The following PPP3CC variants were observed in gnomAD, a reference collection of about 807,000 sequenced individuals.
The protein encoded by PPP3CC is serine/threonine-protein phosphatase 2B catalytic subunit gamma isoform.
Under a neutral mutation model 60.3 loss-of-function variants are expected in PPP3CC, and 35 were observed. The ratio of observed to expected loss-of-function variants is 0.58; its 90% CI spans 0.44 to 0.77. The LOEUF (loss-of-function observed/expected upper bound fraction) is 0.77. Ranked by LOEUF, PPP3CC falls within the 30% of genes least tolerant of loss-of-function variation. The pLI, the probability that PPP3CC is intolerant of heterozygous loss-of-function variation, is 0.00. For missense variants in PPP3CC, 570 were observed against 628.9 expected, an observed-to-expected ratio of 0.91 and a Z score of 1.00; for synonymous variants, 206 against 224.3, an observed-to-expected ratio of 0.92 and a Z score of 0.73.
chr8:22,471,277 A>C (rs1248934810), intron 1 of PPP3CC, among the ~76,000 whole-genome samples: 1 of 141,388 alleles, frequency 7.1e-6, no homozygotes, highest in Non-Finnish European at 1.5e-5. Flanking sequence ...CTCCTTGATC[A>C]TTCTTTTTTT....
At chr8:22,467,656 C>A (rs971332561) in intron 1 of PPP3CC, among the ~76,000 whole-genome samples, 1 of 152,058 alleles carries the variant, frequency 6.6e-6, no homozygotes, top group Non-Finnish European at 1.5e-5. Flanking sequence ...GTTTTGAACT[C>A]GACCTTATGA....
In PPP3CC at chr8:22,485,067, C is replaced by T. The variant is rs994587525; in HGVS notation, c.372+9443C>T. 2.0e-5 allele frequency among the ~76,000 whole-genome samples: 3 copies of T among 152,208 alleles called. No individual in the cohort carries two copies. In the South Asian group the frequency reaches 6.2e-4, roughly 32 times the overall value. ...AACTGTGGTCTTTTAGTTTAAGGAA[C>T]AACAGACTGTTTGAATGATCCTTAC... On this transcript the variant is annotated intron_variant, in intron 3 of 13. Coordinates refer to ENST00000240139, the MANE Select transcript of PPP3CC (RefSeq NM_005605.5).
At chr8:22,522,804 G>T in intron 8 of PPP3CC, 55 bp downstream of exon 8, 1 of 1,279,690 alleles carries the variant, frequency 7.8e-7, no homozygotes. Flanking sequence ...GTGAGCTCTG[G>T]TTTAATTGTA....
Position 22,475,156 on chromosome 8 carries a change from A to T in PPP3CC, c.247+5A>T, listed in dbSNP as rs1563709160. On this transcript the variant is annotated splice_donor_5th_base_variant and intron_variant, in intron 2 of 13. Transcript: ENST00000240139. ...AAGTAGATGCTCCAATCACAGGTATAAAAAGTCTTTGCATGATACTTTTTT... is the reference window on the plus strand; with the variant it reads ...AAGTAGATGCTCCAATCACAGGTATTAAAAGTCTTTGCATGATACTTTTTT... The T allele has an allele frequency of 1.9e-6, 3 of 1,606,270 alleles. No individual in the cohort carries two copies. Among genetic ancestry groups the T allele is most frequent in the Middle Eastern group, 1.7e-4 (1 of 6,044 alleles).
In PPP3CC at chr8:22,493,086, G is replaced by A; in HGVS notation, c.373-4915G>A. The A allele has an allele frequency of 1.9e-6, 3 of 1,555,344 alleles. No individual in the cohort carries two copies. The South Asian group carries it at 3.3e-5, about 17-fold the overall frequency. ...TGAGGCTTCCAAGATGGAGAATTTTGATGAGGCTTCCAAGAATGAGGCAAA... is the reference window on the plus strand; with the variant it reads ...TGAGGCTTCCAAGATGGAGAATTTTAATGAGGCTTCCAAGAATGAGGCAAA... On this transcript the variant is annotated intron_variant, in intron 3 of 13. Transcript: ENST00000240139.
intron 10 of PPP3CC, among the ~76,000 whole-genome samples, chr8:22,531,694 G>C (rs574687022): frequency 1.3e-5 from 2 of 152,200 alleles, no homozygotes; most frequent in African/African-American, 4.8e-5. Context: ...AAGTAGTATC[G>C]TGAGGCAATA....
intron 1 of PPP3CC, among the ~76,000 whole-genome samples, chr8:22,452,038 G>GTTTTTTT: frequency 6.7e-6 from 1 of 148,486 alleles, no homozygotes; most frequent in African/African-American, 2.5e-5. Context: ...TTTTTTAACA[G>GTTTTTTT]TTTTAGAGAT....
rs548033277 is a variant in PPP3CC at position 22,465,435 on chromosome 8, AAAAAT to A, written c.50-9511_50-9507del. Among the ~76,000 whole-genome samples the A allele has an allele frequency of 1.2e-3, 181 of 152,340 alleles. 2 individuals carry two copies. The South Asian group carries it at 0.018, about 15-fold the overall frequency. ...CATATACCCCTTGAATCTGAAATTT[AAAAAT>A]AAAATAAGTATGTATTAGAAAATTT... On this transcript the variant is annotated intron_variant, in intron 1 of 13. Transcript: ENST00000240139.
chr8:22,456,455 T>G (rs912366799), intron 1 of PPP3CC, among the ~76,000 whole-genome samples: 1 of 152,122 alleles, frequency 6.6e-6, no homozygotes, highest in African/African-American at 2.4e-5. Flanking sequence ...AGGTTGTAAA[T>G]AAAGAAATGT....
intron 12 of PPP3CC, among the ~76,000 whole-genome samples, chr8:22,535,812 A>G (rs1480959429): frequency 1.3e-5 from 2 of 152,190 alleles, no homozygotes; most frequent in African/African-American, 4.8e-5. Flanking sequence ...CCTCACTGCA[A>G]TCTCCGCCTC....
intron 3 of PPP3CC, among the ~76,000 whole-genome samples, chr8:22,479,187 T>C (rs1191007436): frequency 6.6e-6 from 1 of 152,262 alleles, no homozygotes; most frequent in East Asian, 1.9e-4. Flanking sequence ...GTTTAATAGA[T>C]GAAAATAAGG....
chr8:22,485,532 G>T (rs1033228917), intron 3 of PPP3CC, among the ~76,000 whole-genome samples: 1 of 152,128 alleles, frequency 6.6e-6, no homozygotes, highest in Non-Finnish European at 1.5e-5. Flanking sequence ...CTCACTAAGG[G>T]AAAAAGAGGC....
At chr8:22,451,743 A>G (rs761783459) in intron 1 of PPP3CC, among the ~76,000 whole-genome samples, 3 of 152,220 alleles carry the variant, frequency 2.0e-5, no homozygotes, top group Non-Finnish European at 4.4e-5. Flanking sequence ...TTTGCTTTCT[A>G]ATTCAGTGTA....
intron 1 of PPP3CC, among the ~76,000 whole-genome samples, chr8:22,451,570 A>C (rs957319267): frequency 3.3e-5 from 5 of 152,230 alleles, no homozygotes; most frequent in Admixed American, 6.5e-5. Flanking sequence ...GATGGGTTGT[A>C]ATCAAAACCT....
intron 6 of PPP3CC, among the ~76,000 whole-genome samples, chr8:22,521,648 C>T (rs925633419): frequency 5.3e-5 from 8 of 152,058 alleles, no homozygotes; most frequent in African/African-American, 1.7e-4. Context: ...TCACCTACAA[C>T]CTACTTTAAA....
At chr8:22,530,980 C>T (rs1048678638) in intron 10 of PPP3CC, among the ~76,000 whole-genome samples, 1 of 151,928 alleles carries the variant, frequency 6.6e-6, no homozygotes, top group African/African-American at 2.4e-5. Flanking sequence ...TTTTTGGCAT[C>T]ATTTATTCTG....
rs1267321599 is a variant in PPP3CC at position 22,446,547 on chromosome 8, GGCGTGGTGGCTCAC to G, written c.49+5092_49+5105del. 4.8e-4 allele frequency among the ~76,000 whole-genome samples: 73 copies of G among 152,286 alleles called. 1 individual carries two copies. Among genetic ancestry groups the G allele is most frequent in the African/African-American group, 1.7e-3 (71 of 41,566 alleles). On this transcript the variant is annotated intron_variant, in intron 1 of 13. Transcript: ENST00000240139. Reference sequence around the variant, plus strand: ...TTGGAAAAAGCTAATTTTTAGGCCAGGCGTGGTGGCTCACGCCTATAATCCCAGTACTTTGGGAA... The same window carrying G: ...TTGGAAAAAGCTAATTTTTAGGCCAGGCCTATAATCCCAGTACTTTGGGAA...
chr8:22,458,301 C>G (rs1228294277), intron 1 of PPP3CC, among the ~76,000 whole-genome samples: 1 of 151,920 alleles, frequency 6.6e-6, no homozygotes, highest in African/African-American at 2.4e-5. Flanking sequence ...TAGAACTTCA[C>G]TATTAACAAA....
At chr8:22,538,055 T>C (rs1839882318) in intron 12 of PPP3CC, among the ~76,000 whole-genome samples, 1 of 152,260 alleles carries the variant, frequency 6.6e-6, no homozygotes, top group Admixed American at 6.5e-5. Context: ...TTGTGGTATA[T>C]GAATTCTATT....
Sources: allele counts gnomAD v4.1 joint callset (sites outside exome capture counted in the v4.1 genomes callset), GRCh38; gene constraint gnomAD v4.1.1; transcripts MANE v1.5; gene names NCBI Gene and HGNC (gene_info 2026-07-23, HGNC 2026-07-21).